CRLF3: variants seen among roughly 807,000 people sequenced by gnomAD.
CRLF3 encodes cytokine receptor-like factor 3.
In CRLF3, 33 loss-of-function variants were observed where a neutral mutation model predicts 55.0. That is an observed-to-expected ratio of 0.60 (90% CI 0.46 to 0.80). The LOEUF is 0.80. Among genes scored for constraint, CRLF3 ranks in the 30% least tolerant of loss-of-function variants. The pLI is 0.00. For missense variants in CRLF3, 494 were observed against 538.4 expected, an observed-to-expected ratio of 0.92 and a Z score of 0.82; for synonymous variants, 238 against 196.8, an observed-to-expected ratio of 1.21 and a Z score of -1.75.
chr17:30,792,710 T>G (rs574243520), intron 5 of CRLF3, 138 bp from the exon 6 acceptor site: 1 of 677,846 alleles, frequency 1.5e-6, no homozygotes, highest in African/African-American at 1.8e-5. Context: ...AAAGATTCCA[T>G]TAACAGGGTA....
intron 1 of CRLF3, among the ~76,000 whole-genome samples, chr17:30,806,710 T>C (rs996399416): frequency 6.6e-6 from 1 of 152,188 alleles, no homozygotes; most frequent in African/African-American, 2.4e-5. Context: ...CCTAGCTCAC[T>C]GCAGCCTTGA....
chr17:30,815,976 T>TAAAAAAAAAAAA (rs527247079), intron 1 of CRLF3, among the ~76,000 whole-genome samples: 1 of 135,980 alleles, frequency 7.4e-6, no homozygotes, highest in African/African-American at 2.7e-5. Context: ...AATAAAAAGT[T>TAAAAAAAAAAAA]AAAAAAAAAA....
At position 30,784,088 on chromosome 17, in the gene CRLF3, T is replaced by G. The variant is rs1971573939; in HGVS notation, c.*99A>C. ...GTAAACACTTTCCAATGGCCTAAGT[T>G]AGAGATGAATTCAACTTTTTTTTTA... On this transcript the variant is annotated 3_prime_UTR_variant, in exon 8 of 8. Coordinates refer to ENST00000324238, the MANE Select transcript of CRLF3 (RefSeq NM_015986.4). 2 of 1,072,956 alleles carry G rather than the reference T, an allele frequency of 1.9e-6. No homozygotes were observed. Among genetic ancestry groups the G allele is most frequent in the South Asian group, 3.2e-5 (2 of 61,648 alleles). 66.5% of individuals were successfully genotyped at this position (1,072,956 alleles called of 1,614,324 possible).
chr17:30,797,983 T>TC (rs770473774), intron 2 of CRLF3, among the ~76,000 whole-genome samples: 18,137 of 149,474 alleles, frequency 0.12, 1,188 homozygotes, highest in South Asian at 0.24. Context: ...TCTCACTATG[T>TC]TGCCCAGGCT....
chr17:30,788,186 G>C (rs1286451094), intron 6 of CRLF3, among the ~76,000 whole-genome samples: 1 of 151,334 alleles, frequency 6.6e-6, no homozygotes, highest in Non-Finnish European at 1.5e-5. Flanking sequence ...AAATTAGCCG[G>C]GCGTGGTAGC....
chr17:30,795,857 A>G (rs1028123129), intron 4 of CRLF3, among the ~76,000 whole-genome samples: 21 of 151,836 alleles, frequency 1.4e-4, no homozygotes, highest in Non-Finnish European at 2.6e-4. Flanking sequence ...AATGGCTTGA[A>G]CCCGGGGGAA....
At chr17:30,803,003 A>G (rs1972030681) in intron 2 of CRLF3, among the ~76,000 whole-genome samples, 1 of 151,806 alleles carries the variant, frequency 6.6e-6, no homozygotes, top group South Asian at 2.1e-4. Context: ...TGTCTCTACT[A>G]AAAATACTAA....
rs1971916841 is a variant in CRLF3 at position 30,796,275 on chromosome 17, A to G, written c.488T>C (p.Ile163Thr). The G allele has an allele frequency of 6.2e-7, 1 of 1,614,004 alleles. No individual in the cohort carries two copies. Among genetic ancestry groups the G allele is most frequent in the Admixed American group, 1.7e-5 (1 of 59,996 alleles). ...PCLSAQLDDS[I>T]LNIVKDHIFK... ...AATGTGGTCTTTCACTATGTTAAGAATTGAGTCATCCAACTGAGCAGATAA... is the reference window on the plus strand; with the variant it reads ...AATGTGGTCTTTCACTATGTTAAGAGTTGAGTCATCCAACTGAGCAGATAA... The change falls in exon 4 of 8, where the codon ATT (isoleucine) becomes ACT (threonine). Residue 163 changes from isoleucine to threonine, a missense_variant. By Grantham distance (89) the Ile-to-Thr change is moderately conservative. Transcript: ENST00000324238.
chr17:30,790,299 G>A (rs1597915367), intron 6 of CRLF3, among the ~76,000 whole-genome samples: 1 of 152,186 alleles, frequency 6.6e-6, no homozygotes, highest in African/African-American at 2.4e-5. Flanking sequence ...GGTGAGTATG[G>A]TGAAAATCAG....
chr17:30,800,808 T>C (rs1971995737), intron 2 of CRLF3, among the ~76,000 whole-genome samples: 1 of 146,150 alleles, frequency 6.8e-6, no homozygotes, highest in African/African-American at 2.6e-5. Flanking sequence ...GGAGTCTCGC[T>C]CTGTCGCCCA....
intron 1 of CRLF3, among the ~76,000 whole-genome samples, chr17:30,823,141 A>G (rs1905044031): frequency 6.6e-6 from 1 of 152,046 alleles, no homozygotes; most frequent in African/African-American, 2.4e-5. Context: ...AGGCAGGTGG[A>G]TCACGAGGTC....
intron 6 of CRLF3, among the ~76,000 whole-genome samples, chr17:30,791,947 A>T (rs1204819374): frequency 1.3e-5 from 2 of 150,754 alleles, no homozygotes; most frequent in Admixed American, 1.3e-4. Context: ...CTTGGGTTCA[A>T]GCAATTCTCC....
chr17:30,788,125 G>A (rs1239919428), intron 6 of CRLF3, among the ~76,000 whole-genome samples: 2 of 151,882 alleles, frequency 1.3e-5, no homozygotes, highest in Non-Finnish European at 2.9e-5. Context: ...TCAGGAGATT[G>A]AGACCATCCT....
chr17:30,823,439 C>T (rs1199173003), intron 1 of CRLF3, among the ~76,000 whole-genome samples: 1 of 151,228 alleles, frequency 6.6e-6, no homozygotes, highest in Non-Finnish European at 1.5e-5. Flanking sequence ...AAACCCAAAA[C>T]ATGTTGAGTC....
At chr17:30,809,351 T>C (rs1904537319) in intron 1 of CRLF3, among the ~76,000 whole-genome samples, 1 of 152,212 alleles carries the variant, frequency 6.6e-6, no homozygotes, top group Non-Finnish European at 1.5e-5. Context: ...CCTTGAAATA[T>C]TTCATGATTT....
chr17:30,798,103 G>A (rs143662527), intron 2 of CRLF3, among the ~76,000 whole-genome samples: 2,683 of 152,094 alleles, frequency 0.018, 94 homozygotes, highest in African/African-American at 0.061. Flanking sequence ...TGTCAGGCTG[G>A]GTGCGGTAGC....
Position 30,782,848 on chromosome 17 carries a change from A to ATTATC in CRLF3, c.*1334_*1338dup, listed in dbSNP as rs1263113317. 1 of 152,112 alleles carries ATTATC rather than the reference A, an allele frequency of 6.6e-6. No individual in the cohort carries two copies. The highest frequency in any genetic ancestry group is 2.4e-5 in the African/African-American group (1 of 41,420). 9.4% of individuals were successfully genotyped at this position (152,112 alleles called of 1,614,324 possible). A position where few individuals can be genotyped will look rare whatever the true frequency, so the allele number is the denominator to read the frequency against. On this transcript the variant is annotated 3_prime_UTR_variant, in exon 8 of 8. Transcript: ENST00000324238. ...ACAGGGAACATGAATCCCCAAATAA[A>ATTATC]TTATCTTACAAAAATATCATACTTG...
intron 1 of CRLF3, among the ~76,000 whole-genome samples, chr17:30,822,758 G>A (rs1905034442): frequency 6.6e-6 from 1 of 152,016 alleles, no homozygotes; most frequent in Non-Finnish European, 1.5e-5. Context: ...CTCATTTAGT[G>A]TCAACTCTGA....
chr17:30,793,899 C>T (rs898418809), intron 4 of CRLF3, among the ~76,000 whole-genome samples: 1 of 151,824 alleles, frequency 6.6e-6, no homozygotes, highest in African/African-American at 2.4e-5. Context: ...AGTGCAGTGG[C>T]GTGATCTCGG....
Sources: gnomAD v4.1 joint callset for allele counts (sites outside exome capture counted in the v4.1 genomes callset) on GRCh38, gnomAD v4.1.1 for gene constraint, MANE v1.5 for transcripts, NCBI Gene and HGNC (gene_info 2026-07-23, HGNC 2026-07-21) for gene names.